The following FAM110B variants were observed in gnomAD, a reference collection of about 807,000 sequenced individuals.
The protein encoded by FAM110B is protein FAM110B.
In FAM110B, 6 loss-of-function variants were observed where a neutral mutation model predicts 20.4. The observed-to-expected ratio is 0.29, with a 90% CI of 0.16 to 0.58. FAM110B has a LOEUF of 0.58. Among genes scored for constraint, FAM110B ranks in the 20% least tolerant of loss-of-function variants. The pLI is 0.90. For missense variants in FAM110B, 434 were observed against 498.2 expected, an observed-to-expected ratio of 0.87 and a Z score of 1.23; for synonymous variants, 226 against 214.1, an observed-to-expected ratio of 1.06 and a Z score of -0.49.
intron 3 of FAM110B, among the ~76,000 whole-genome samples, chr8:58,086,095 G>A (rs1056818229): frequency 2.6e-5 from 4 of 152,130 alleles, no homozygotes; most frequent in Non-Finnish European, 4.4e-5. Context: ...TGAAATTAAC[G>A]CTGTGTTCAT....
At chr8:58,015,980 G>GT (rs1804630193) in intron 1 of FAM110B, among the ~76,000 whole-genome samples, 1 of 152,008 alleles carries the variant, frequency 6.6e-6, no homozygotes, top group Non-Finnish European at 1.5e-5. Context: ...ATTCCTAACT[G>GT]TATCATTCAA....
At chr8:58,067,607 G>T (rs935263142) in intron 2 of FAM110B, among the ~76,000 whole-genome samples, 2 of 152,216 alleles carry the variant, frequency 1.3e-5, no homozygotes, top group African/African-American at 2.4e-5. Context: ...TGAGCATCCT[G>T]TGCTGAGCTG....
intron 3 of FAM110B, among the ~76,000 whole-genome samples, chr8:58,086,517 A>G (rs565044514): frequency 6.6e-6 from 1 of 152,214 alleles, no homozygotes; most frequent in Non-Finnish European, 1.5e-5. Flanking sequence ...TTTTCAGACG[A>G]CTGAAACCTG....
intron 1 of FAM110B, among the ~76,000 whole-genome samples, chr8:58,002,362 T>A (rs539876495): frequency 6.6e-6 from 1 of 152,260 alleles, no homozygotes; most frequent in Non-Finnish European, 1.5e-5. Flanking sequence ...ATGAGCTGAC[T>A]CCAAGAGTGT....
chr8:58,064,158 C>T (rs1805714832), intron 2 of FAM110B, among the ~76,000 whole-genome samples: 1 of 152,138 alleles, frequency 6.6e-6, no homozygotes, highest in African/African-American at 2.4e-5. Flanking sequence ...CGAACTCCAC[C>T]CCCATGATCA....
chr8:58,113,031 G>A (rs188867139), intron 3 of FAM110B, among the ~76,000 whole-genome samples: 9 of 152,248 alleles, frequency 5.9e-5, no homozygotes, highest in Admixed American at 2.6e-4. Flanking sequence ...TCCTGAAGTC[G>A]TGGAAGGGAA....
chr8:58,133,654 G>A (rs1463118951), intron 3 of FAM110B, among the ~76,000 whole-genome samples: 1 of 152,208 alleles, frequency 6.6e-6, no homozygotes, highest in East Asian at 1.9e-4. Flanking sequence ...AGGCATCAGA[G>A]AGCCTGGGAA....
At chr8:58,024,352 C>G (rs1396521817) in intron 1 of FAM110B, among the ~76,000 whole-genome samples, 3 of 152,012 alleles carry the variant, frequency 2.0e-5, no homozygotes, top group Non-Finnish European at 2.9e-5. Context: ...AGAGATGTCT[C>G]TAATTGTATA....
chr8:58,094,399 T>C (rs1806567907), intron 3 of FAM110B, among the ~76,000 whole-genome samples: 1 of 152,188 alleles, frequency 6.6e-6, no homozygotes, highest in Non-Finnish European at 1.5e-5. Flanking sequence ...CATAAATAGC[T>C]CTTATTATTT....
intron 2 of FAM110B, among the ~76,000 whole-genome samples, chr8:58,048,716 A>G (rs957039440): frequency 6.6e-6 from 1 of 152,224 alleles, no homozygotes; most frequent in East Asian, 1.9e-4. Context: ...TTCTCACTAC[A>G]TTCAATCAGT....
chr8:58,088,374 T>C (rs945144498), intron 3 of FAM110B, among the ~76,000 whole-genome samples: 5 of 152,226 alleles, frequency 3.3e-5, no homozygotes, highest in Non-Finnish European at 5.9e-5. Context: ...CTTCAAGTCA[T>C]ATATCTAGTT....
At chr8:58,010,907 G>C (rs1804521118) in intron 1 of FAM110B, among the ~76,000 whole-genome samples, 1 of 152,182 alleles carries the variant, frequency 6.6e-6, no homozygotes, top group South Asian at 2.1e-4. Context: ...TGTCTGCTTT[G>C]ACAAATTTCC....
intron 1 of FAM110B, among the ~76,000 whole-genome samples, chr8:58,006,490 G>A (rs755334590): frequency 5.9e-5 from 9 of 152,154 alleles, no homozygotes; most frequent in Non-Finnish European, 1.0e-4. Context: ...AAACCCCAGG[G>A]AAGAGTTTTA....
chr8:58,084,868 A>G (rs1363856861), intron 3 of FAM110B, among the ~76,000 whole-genome samples: 2 of 152,084 alleles, frequency 1.3e-5, no homozygotes, highest in Non-Finnish European at 2.9e-5. Flanking sequence ...TACCAAGGAA[A>G]TGATGGTAAA....
chr8:58,085,928 T>A (rs1585873604), intron 3 of FAM110B, among the ~76,000 whole-genome samples: 1 of 152,346 alleles, frequency 6.6e-6, no homozygotes, highest in Middle Eastern at 3.4e-3. Context: ...AAAGTATGAT[T>A]TAGCTTACAA....
At chr8:58,106,339 A>G (rs1203427471) in intron 3 of FAM110B, 1 of 152,194 alleles carries the variant, frequency 6.6e-6, no homozygotes, top group Admixed American at 6.5e-5. Flanking sequence ...CAGTTTTCAC[A>G]CAGACAGGAA....
rs79936282 is a variant in FAM110B at position 58,134,356 on chromosome 8, G to A, written c.-324-11551G>A. Among the ~76,000 whole-genome samples, 4 of 152,294 alleles carry A rather than the reference G, an allele frequency of 2.6e-5. No homozygotes were observed. The East Asian group carries it at 5.8e-4, about 22-fold the overall frequency. ...GCTCTAAGCAGAATTCAGTGCTAAT[G>A]TGTTTCTTAGGTGGTGAATAAGCAG... On this transcript the variant is annotated intron_variant, in intron 3 of 3. Coordinates refer to ENST00000519262, the MANE Select transcript of FAM110B (RefSeq NM_001377989.1).
intron 3 of FAM110B, among the ~76,000 whole-genome samples, chr8:58,138,931 C>T (rs755346064): frequency 1.1e-4 from 16 of 152,242 alleles, no homozygotes; most frequent in Non-Finnish European, 2.2e-4. Flanking sequence ...TGCATCTCTA[C>T]ACCTGGTTCA....
chr8:58,001,172 C>A (rs1804287259), intron 1 of FAM110B, among the ~76,000 whole-genome samples: 1 of 152,040 alleles, frequency 6.6e-6, no homozygotes, highest in Admixed American at 6.6e-5. Context: ...TCTAGTTCTT[C>A]TTAGTGAATC....
Sources: allele counts gnomAD v4.1 joint callset (sites outside exome capture counted in the v4.1 genomes callset), GRCh38; gene constraint gnomAD v4.1.1; transcripts MANE v1.5; gene names NCBI Gene and HGNC (gene_info 2026-07-23, HGNC 2026-07-21).